Variants in NUFIP1 observed in about 807,000 individuals in gnomAD.
NUFIP1 encodes nuclear FMR1 interacting protein 1.
In NUFIP1, 38 loss-of-function variants were observed where a neutral mutation model predicts 56.2. The observed-to-expected ratio is 0.68, with a 90% CI of 0.52 to 0.89. The LOEUF is 0.89. Among genes scored for constraint, NUFIP1 ranks in the 40% least tolerant of loss-of-function variants. NUFIP1 has a pLI of 0.00. For synonymous variants in NUFIP1, 215 were observed against 212.4 expected (o/e 1.01, Z -0.10); for missense variants, 567 against 605.8 (o/e 0.94, Z 0.67).
At chr13:44,983,545 C>T (rs1167534379) in intron 1 of NUFIP1, among the ~76,000 whole-genome samples, 1 of 151,926 alleles carries the variant, frequency 6.6e-6, no homozygotes, top group African/African-American at 2.4e-5. Context: ...ATCTATAATT[C>T]CAACACTTTG....
At chr13:44,986,110 C>T (rs947896948) in intron 1 of NUFIP1, among the ~76,000 whole-genome samples, 4 of 152,084 alleles carry the variant, frequency 2.6e-5, no homozygotes, top group Non-Finnish European at 5.9e-5. Context: ...CGTGAGCCAC[C>T]GTGTCTGGAT....
intron 8 of NUFIP1, among the ~76,000 whole-genome samples, chr13:44,948,631 A>G (rs1458591482): frequency 6.6e-6 from 1 of 152,136 alleles, no homozygotes; most frequent in East Asian, 1.9e-4. Context: ...TGGAACATAG[A>G]TTTATTCATT....
chr13:44,959,331 G>T, intron 7 of NUFIP1, 50 bp downstream of exon 7: 1 of 1,502,064 alleles, frequency 6.7e-7, no homozygotes, highest in Non-Finnish European at 9.1e-7. Flanking sequence ...ATCAACTTCA[G>T]CATCATTGTC....
chr13:44,968,846 TA>T (rs1362098319), intron 5 of NUFIP1, among the ~76,000 whole-genome samples: 1 of 152,212 alleles, frequency 6.6e-6, no homozygotes, highest in Non-Finnish European at 1.5e-5. Context: ...GTAAAGAATT[TA>T]AACTTGTTAT....
chr13:44,945,265 G>A (rs1037632997), intron 8 of NUFIP1, among the ~76,000 whole-genome samples: 2 of 151,862 alleles, frequency 1.3e-5, no homozygotes, highest in Admixed American at 6.6e-5. Context: ...CTTAGGTGAA[G>A]CAAATTCTTT....
At chr13:44,948,141 CTTTTTTTTTTTTT>C (rs61398364) in intron 8 of NUFIP1, among the ~76,000 whole-genome samples, 1 of 120,858 alleles carries the variant, frequency 8.3e-6, no homozygotes, top group Admixed American at 8.5e-5. Context: ...ACTACATTTC[CTTTTTTTTTTTTT>C]TTTTTTTTGA....
chr13:44,944,589 A>G (rs1870851925), intron 8 of NUFIP1, among the ~76,000 whole-genome samples: 1 of 152,124 alleles, frequency 6.6e-6, no homozygotes, highest in Admixed American at 6.5e-5. Flanking sequence ...ATTAACTCAA[A>G]TTGACAAAGA....
chr13:44,981,778 C>T (rs769409982), intron 2 of NUFIP1, among the ~76,000 whole-genome samples: 1 of 152,060 alleles, frequency 6.6e-6, no homozygotes, highest in Non-Finnish European at 1.5e-5. Context: ...TACCACTGCA[C>T]TCCAGCCTGG....
At chr13:44,972,759 G>C (rs1871850062) in intron 5 of NUFIP1, among the ~76,000 whole-genome samples, 1 of 152,108 alleles carries the variant, frequency 6.6e-6, no homozygotes, top group South Asian at 2.1e-4. Flanking sequence ...TCCCTACATA[G>C]CTAAAATTAA....
At chr13:44,962,737 C>G (rs1293076502) in intron 6 of NUFIP1, among the ~76,000 whole-genome samples, 1 of 152,208 alleles carries the variant, frequency 6.6e-6, no homozygotes, top group Non-Finnish European at 1.5e-5. Flanking sequence ...AAGGCAACTT[C>G]CAGTTCTGCA....
intron 3 of NUFIP1, 100 bp downstream of exon 3, chr13:44,980,622 T>G (rs1241733480): frequency 1.2e-6 from 1 of 852,994 alleles, no homozygotes; most frequent in East Asian, 2.6e-5. Context: ...CTACAGAAAC[T>G]ATAAACTTTA....
rs1870915889 is a variant in NUFIP1 at position 44,946,832 on chromosome 13, T to C, written c.1138+2890A>G. Among the ~76,000 whole-genome samples the C allele has an allele frequency of 1.3e-5, 2 of 152,186 alleles. 1 individual carries two copies. The highest frequency in any genetic ancestry group is 4.1e-4 in the South Asian group (2 of 4,832). On this transcript the variant is annotated intron_variant, in intron 8 of 9. Coordinates refer to ENST00000379161, the MANE Select transcript of NUFIP1 (RefSeq NM_012345.3). Reference sequence around the variant, plus strand: ...AGACCACTTTGTTTCCTTGGTATTATTTATTTAAAACTCCCTATGTGTCAA... The same window carrying C: ...AGACCACTTTGTTTCCTTGGTATTACTTATTTAAAACTCCCTATGTGTCAA...
chr13:44,954,564 T>C (rs1348875072), intron 7 of NUFIP1, among the ~76,000 whole-genome samples: 1 of 152,164 alleles, frequency 6.6e-6, no homozygotes, highest in Non-Finnish European at 1.5e-5. Context: ...TGTAAAAGCT[T>C]CCTATCTGGC....
chr13:44,969,918 T>C (rs1437508213), intron 5 of NUFIP1, among the ~76,000 whole-genome samples: 4 of 152,228 alleles, frequency 2.6e-5, no homozygotes, highest in African/African-American at 2.4e-5. Flanking sequence ...AGCTACACTA[T>C]TGTACTTTTC....
At chr13:44,980,396 T>A (rs1182971808) in intron 3 of NUFIP1, among the ~76,000 whole-genome samples, 1 of 152,150 alleles carries the variant, frequency 6.6e-6, no homozygotes, top group Admixed American at 6.5e-5. Context: ...GGTTTAATGG[T>A]CAAGGGCAGA....
chr13:44,956,828 C>A (rs1461827797), intron 7 of NUFIP1, among the ~76,000 whole-genome samples: 1 of 152,094 alleles, frequency 6.6e-6, no homozygotes, highest in African/African-American at 2.4e-5. Context: ...GGGTTCCTAA[C>A]AGGCTAAGGA....
chr13:44,944,443 A>G (rs1870846960), intron 8 of NUFIP1, among the ~76,000 whole-genome samples: 1 of 152,172 alleles, frequency 6.6e-6, no homozygotes, highest in African/African-American at 2.4e-5. Context: ...TTCAATATGC[A>G]TTGCAGCGAA....
chr13:44,959,358 C>A (rs370006732), intron 7 of NUFIP1, 23 bp downstream of exon 7: 15 of 1,603,246 alleles, frequency 9.4e-6, no homozygotes, highest in Non-Finnish European at 1.3e-5. Context: ...CTTATAAATA[C>A]GTTATTTTCC....
At chr13:44,968,991 T>C (rs1053100344) in intron 5 of NUFIP1, among the ~76,000 whole-genome samples, 1 of 152,194 alleles carries the variant, frequency 6.6e-6, no homozygotes, top group Non-Finnish European at 1.5e-5. Flanking sequence ...TGCAGTATCA[T>C]GTTCCTAAAG....
Sources: allele counts gnomAD v4.1 joint callset (sites outside exome capture counted in the v4.1 genomes callset), GRCh38; gene constraint gnomAD v4.1.1; transcripts MANE v1.5; gene names NCBI Gene and HGNC (gene_info 2026-07-23, HGNC 2026-07-21).